The following EXT1 variants were observed in gnomAD, a reference collection of about 807,000 sequenced individuals.
The protein encoded by EXT1 is exostosin glycosyltransferase 1.
In EXT1, 20 loss-of-function variants were observed where a neutral mutation model predicts 82.5. The observed-to-expected ratio is 0.24, with a 90% CI of 0.17 to 0.35. EXT1 has a LOEUF of 0.35. Ranked by LOEUF, EXT1 falls within the 10% of genes least tolerant of loss-of-function variation. The pLI, the probability that EXT1 is intolerant of heterozygous loss-of-function variation, is 1.00. For missense variants in EXT1, 757 were observed against 936.5 expected (o/e 0.81, Z 2.50); for synonymous variants, 348 against 350.8 (o/e 0.99, Z 0.09).
intron 1 of EXT1, among the ~76,000 whole-genome samples, chr8:117,931,800 A>C (rs1337487768): frequency 2.0e-5 from 3 of 152,304 alleles, no homozygotes; most frequent in South Asian, 4.1e-4. Flanking sequence ...CTTAAAAGTC[A>C]CTCAAGGTTT....
intron 1 of EXT1, among the ~76,000 whole-genome samples, chr8:117,927,026 C>T (rs1205686353): frequency 6.6e-6 from 1 of 152,178 alleles, no homozygotes; most frequent in Non-Finnish European, 1.5e-5. Flanking sequence ...AGTGTGTCGT[C>T]CTCTTTTGGG....
At chr8:117,839,860 A>G (rs1393243433) in intron 1 of EXT1, among the ~76,000 whole-genome samples, 1 of 152,210 alleles carries the variant, frequency 6.6e-6, no homozygotes, top group Non-Finnish European at 1.5e-5. Flanking sequence ...TTCAACAGAT[A>G]GAGTCCAGAG....
At chr8:117,880,980 C>T (rs970906007) in intron 1 of EXT1, among the ~76,000 whole-genome samples, 5 of 152,038 alleles carry the variant, frequency 3.3e-5, no homozygotes, top group African/African-American at 7.2e-5. Flanking sequence ...CATCTTTTAA[C>T]GCTTTTGCAT....
intron 6 of EXT1, 142 bp downstream of exon 6, chr8:117,819,534 A>G: frequency 3.9e-6 from 3 of 778,256 alleles, no homozygotes; most frequent in Non-Finnish European, 7.1e-6. Flanking sequence ...ACGAGGCAGG[A>G]TGAATGAAAG....
At chr8:117,896,028 G>T (rs575580809) in intron 1 of EXT1, among the ~76,000 whole-genome samples, 1 of 152,206 alleles carries the variant, frequency 6.6e-6, no homozygotes, top group Non-Finnish European at 1.5e-5. Flanking sequence ...GTTGTAAAAC[G>T]TAGAGAAGGT....
intron 1 of EXT1, among the ~76,000 whole-genome samples, chr8:117,902,158 A>G (rs1020536621): frequency 2.0e-5 from 3 of 152,034 alleles, no homozygotes; most frequent in Non-Finnish European, 4.4e-5. Flanking sequence ...GTCTCTAGGG[A>G]CAATAACACG....
chr8:118,106,138 T>C (rs1194008998), intron 1 of EXT1, among the ~76,000 whole-genome samples: 1 of 152,202 alleles, frequency 6.6e-6, no homozygotes. Context: ...CCTGAAACCA[T>C]ATAACAAATT....
chr8:118,076,968 G>T (rs1182540194), intron 1 of EXT1, among the ~76,000 whole-genome samples: 1 of 152,014 alleles, frequency 6.6e-6, no homozygotes, highest in Non-Finnish European at 1.5e-5. Context: ...GGGAAAGGAA[G>T]GGGGTTGAAA....
chr8:117,900,290 A>G (rs1813417271), intron 1 of EXT1, among the ~76,000 whole-genome samples: 1 of 152,172 alleles, frequency 6.6e-6, no homozygotes, highest in Non-Finnish European at 1.5e-5. Context: ...TTTCTCCCCA[A>G]AGGCATGGGA....
At chr8:117,936,307 G>A (rs1164738052) in intron 1 of EXT1, among the ~76,000 whole-genome samples, 2 of 152,166 alleles carry the variant, frequency 1.3e-5, no homozygotes, top group African/African-American at 2.4e-5. Context: ...GACTCCACTA[G>A]TCCACTGGAG....
intron 1 of EXT1, among the ~76,000 whole-genome samples, chr8:117,909,977 AAACT>A (rs1813614982): frequency 6.6e-6 from 1 of 152,120 alleles, no homozygotes; most frequent in Non-Finnish European, 1.5e-5. Context: ...CGTGTTGGCC[AAACT>A]GGCCTTGAAC....
chr8:118,052,977 GC>G (rs1816742644), intron 1 of EXT1, among the ~76,000 whole-genome samples: 2 of 152,300 alleles, frequency 1.3e-5, no homozygotes, highest in South Asian at 2.1e-4. Flanking sequence ...ACACAATGCA[GC>G]CGGCTGCCAC....
At chr8:117,942,255 A>G (rs1429816091) in intron 1 of EXT1, among the ~76,000 whole-genome samples, 2 of 152,152 alleles carry the variant, frequency 1.3e-5, no homozygotes, top group African/African-American at 2.4e-5. Flanking sequence ...ACAGACCACA[A>G]CTGCACCACC....
At chr8:117,808,883 C>G (rs144085741) in intron 8 of EXT1, among the ~76,000 whole-genome samples, 71 of 152,230 alleles carry the variant, frequency 4.7e-4, no homozygotes, top group African/African-American at 1.7e-3. Flanking sequence ...AATATCCAGT[C>G]AGTTCAGGGC....
At chr8:118,019,245 T>TAGAAAGAAAGAAAGAA (rs1816056351) in intron 1 of EXT1, among the ~76,000 whole-genome samples, 1 of 29,592 alleles carries the variant, frequency 3.4e-5, no homozygotes, top group Non-Finnish European at 8.0e-5. Flanking sequence ...AGCAGTACGA[T>TAGAAAGAAAGAAAGAA]TGAAAGAAAG....
At chr8:118,017,086 G>A (rs1007866460) in intron 1 of EXT1, among the ~76,000 whole-genome samples, 3 of 152,178 alleles carry the variant, frequency 2.0e-5, no homozygotes, top group East Asian at 3.8e-4. Context: ...AGACGGACCG[G>A]TATAATCATT....
At position 117,822,528 on chromosome 8, in the gene EXT1, A is replaced by G. The variant is rs1372000855; in HGVS notation, c.1354T>C (p.Leu452=). Residue 452 remains leucine (L), a synonymous_variant, in exon 5 of 11, where the codon TTG becomes CTG. Coordinates refer to ENST00000378204, the MANE Select transcript of EXT1 (RefSeq NM_000127.3). ...GATGAATACTGTGGTAGTACGAACA[A>G]TCCTCCAGGATGTTTGTTCCATATT... The part of the protein sequence containing the change: ...SLIWNKHPGG[L]FVLPQYSSYL... 8 of 1,613,202 alleles carry G rather than the reference A, an allele frequency of 5.0e-6. No homozygotes were observed. In the East Asian group the frequency reaches 1.1e-4, roughly 22 times the overall value.
intron 1 of EXT1, among the ~76,000 whole-genome samples, chr8:118,075,042 C>T (rs1248733683): frequency 1.3e-5 from 2 of 152,182 alleles, no homozygotes; most frequent in South Asian, 2.1e-4. Context: ...TTTTCAGTAA[C>T]CCCACACTCC....
intron 10 of EXT1, among the ~76,000 whole-genome samples, chr8:117,801,748 C>A (rs1196596877): frequency 6.6e-6 from 1 of 152,144 alleles, no homozygotes; most frequent in Non-Finnish European, 1.5e-5. Context: ...TCAAGCAATC[C>A]ACCTGCTCTG....
Sources: allele counts gnomAD v4.1 joint callset (sites outside exome capture counted in the v4.1 genomes callset), GRCh38; gene constraint gnomAD v4.1.1; transcripts MANE v1.5; gene names NCBI Gene and HGNC (gene_info 2026-07-23, HGNC 2026-07-21).